Variants in TRHDE observed in about 807,000 individuals in gnomAD.
The protein encoded by TRHDE is thyrotropin releasing hormone degrading enzyme, also known as thyrotropin-releasing hormone-degrading ectoenzyme.
In TRHDE, 72 loss-of-function variants were observed where a neutral mutation model predicts 125.7. The ratio of observed to expected loss-of-function variants is 0.57; its 90% CI spans 0.47 to 0.70. The LOEUF (loss-of-function observed/expected upper bound fraction) is 0.70. TRHDE is among the 30% of genes least tolerant of loss of function. The probability of loss-of-function intolerance (pLI) is 0.00; values close to 1 mark genes in which losing one functional copy is unlikely to be tolerated. For synonymous variants in TRHDE, 509 were observed against 509.1 expected (o/e 1.00, Z 0.00); for missense variants, 1,110 against 1,327.1 (o/e 0.84, Z 2.54).
intron 3 of TRHDE, among the ~76,000 whole-genome samples, chr12:72,452,719 C>T (rs1875640681): frequency 6.6e-6 from 1 of 151,982 alleles, no homozygotes; most frequent in African/African-American, 2.4e-5. Context: ...TAGTACCATC[C>T]TCTTGATACT....
At chr12:72,356,503 A>G (rs61926580) in intron 2 of TRHDE, among the ~76,000 whole-genome samples, 2,604 of 151,498 alleles carry the variant, frequency 0.017, 42 homozygotes, top group South Asian at 0.045. Context: ...TACCTATATA[A>G]CAAACCTGCA....
intron 2 of TRHDE, among the ~76,000 whole-genome samples, chr12:72,327,481 A>G (rs1376185925): frequency 6.6e-6 from 1 of 152,166 alleles, no homozygotes; most frequent in Non-Finnish European, 1.5e-5. Flanking sequence ...TTGGGGAATC[A>G]TTACAATTAA....
chr12:72,238,994 T>A (rs759145823), intron 2 of TRHDE, among the ~76,000 whole-genome samples: 11 of 152,174 alleles, frequency 7.2e-5, no homozygotes, highest in Admixed American at 2.0e-4. Flanking sequence ...TTGAACTAAT[T>A]TACACTCCCC....
intron 2 of TRHDE, among the ~76,000 whole-genome samples, chr12:72,376,531 A>G (rs1871891048): frequency 6.6e-6 from 1 of 152,104 alleles, no homozygotes; most frequent in African/African-American, 2.4e-5. Context: ...ACTAAATTTG[A>G]TATTTTATTT....
intron 2 of TRHDE, among the ~76,000 whole-genome samples, chr12:72,298,173 C>T (rs1219418326): frequency 6.6e-6 from 1 of 152,142 alleles, no homozygotes; most frequent in Non-Finnish European, 1.5e-5. Flanking sequence ...ACAAACAAAT[C>T]TAAAAAACAG....
intron 15 of TRHDE, among the ~76,000 whole-genome samples, chr12:72,645,742 A>C (rs1324092376): frequency 6.6e-6 from 1 of 152,184 alleles, no homozygotes; most frequent in Non-Finnish European, 1.5e-5. Context: ...GCACCTGCTA[A>C]GGAACACTTA....
chr12:72,286,269 T>C (rs942161825), intron 1 of TRHDE, among the ~76,000 whole-genome samples: 1 of 152,238 alleles, frequency 6.6e-6, no homozygotes, highest in Non-Finnish European at 1.5e-5. Context: ...ATGTACTACA[T>C]ATATCTGAGG....
intron 3 of TRHDE, among the ~76,000 whole-genome samples, chr12:72,429,533 G>A (rs1874352059): frequency 6.6e-6 from 1 of 151,770 alleles, no homozygotes; most frequent in Non-Finnish European, 1.5e-5. Flanking sequence ...CATTGTTTTT[G>A]GGTCTATGGC....
intron 3 of TRHDE, among the ~76,000 whole-genome samples, chr12:72,443,233 T>C (rs1473309238): frequency 1.3e-5 from 2 of 150,640 alleles, no homozygotes; most frequent in Non-Finnish European, 3.0e-5. Context: ...TGTGTGTGTT[T>C]TCCACTACTT....
At chr12:72,369,924 G>C (rs912269950) in intron 2 of TRHDE, among the ~76,000 whole-genome samples, 2 of 152,024 alleles carry the variant, frequency 1.3e-5, no homozygotes, top group African/African-American at 4.8e-5. Context: ...TAATAACTAT[G>C]TTTATGAAGA....
intron 3 of TRHDE, among the ~76,000 whole-genome samples, chr12:72,409,846 A>G (rs1592424331): frequency 1.3e-5 from 2 of 152,184 alleles, no homozygotes; most frequent in African/African-American, 4.8e-5. Context: ...ATAGAACCAT[A>G]GTAACTGGTA....
chr12:72,514,112 C>T (rs1878722786), intron 6 of TRHDE, among the ~76,000 whole-genome samples: 1 of 152,076 alleles, frequency 6.6e-6, no homozygotes, highest in Non-Finnish European at 1.5e-5. Context: ...TATCCCCAGA[C>T]ACCATACAGA....
At chr12:72,621,795 G>T (rs1273726060) in intron 15 of TRHDE, 44 bp downstream of exon 15, 1 of 1,414,368 alleles carries the variant, frequency 7.1e-7, no homozygotes, top group Admixed American at 2.1e-5. Context: ...ATTTAATAGT[G>T]CTTTCAGAGT....
At chr12:72,518,602 T>A (rs1299068223) in intron 6 of TRHDE, among the ~76,000 whole-genome samples, 1 of 152,154 alleles carries the variant, frequency 6.6e-6, no homozygotes, top group African/African-American at 2.4e-5. Context: ...TTTATCCAAT[T>A]TCCCAGTCTG....
chr12:72,588,829 G>GT (rs764466232), intron 12 of TRHDE, among the ~76,000 whole-genome samples: 1 of 152,154 alleles, frequency 6.6e-6, no homozygotes. Context: ...TTGACTCAAA[G>GT]TTCTGCATGG....
intron 2 of TRHDE, among the ~76,000 whole-genome samples, chr12:72,151,593 C>T (rs1876367178): frequency 2.0e-5 from 3 of 151,174 alleles, no homozygotes; most frequent in African/African-American, 7.3e-5. Context: ...GGAAGGGATC[C>T]AGTTTCAGCT....
chr12:72,112,280 G>C lies in TRHDE; in HGVS notation n.279+6528G>C, dbSNP rs1030753847. Among the ~76,000 whole-genome samples the C allele has an allele frequency of 3.9e-4, 59 of 152,288 alleles. 1 individual carries two copies. The highest frequency in any genetic ancestry group is 1.3e-3 in the African/African-American group (52 of 41,566). ...TATGCCACTTCATTGAATTAGCGATGTACTTTCTGTAGCATGCTGTGTATT... is the reference window on the plus strand; with the variant it reads ...TATGCCACTTCATTGAATTAGCGATCTACTTTCTGTAGCATGCTGTGTATT... On this transcript the variant is annotated intron_variant and non_coding_transcript_variant, in intron 2 of 4. Transcript: ENST00000548156.
intron 2 of TRHDE, among the ~76,000 whole-genome samples, chr12:72,137,137 C>A (rs1777100042): frequency 1.3e-5 from 2 of 152,152 alleles, no homozygotes; most frequent in African/African-American, 4.8e-5. Flanking sequence ...TTTTACATTG[C>A]CTGTCCTAGG....
intron 2 of TRHDE, among the ~76,000 whole-genome samples, chr12:72,155,696 G>A (rs1876487376): frequency 6.6e-6 from 1 of 152,182 alleles, no homozygotes; most frequent in Non-Finnish European, 1.5e-5. Context: ...AGCAGAGGCT[G>A]CAAAACAATG....
Sources: allele counts gnomAD v4.1 joint callset (sites outside exome capture counted in the v4.1 genomes callset), GRCh38; gene constraint gnomAD v4.1.1; transcripts MANE v1.5; gene names NCBI Gene and HGNC (gene_info 2026-07-23, HGNC 2026-07-21).